The following P3H2 variants were observed in gnomAD, a reference collection of about 807,000 sequenced individuals.
The protein encoded by P3H2 is prolyl 3-hydroxylase 2.
P3H2 carries 80 observed loss-of-function variants against 87.0 expected under a neutral mutation model. That is an observed-to-expected ratio of 0.92 (90% CI 0.77 to 1.11). The LOEUF (loss-of-function observed/expected upper bound fraction) is 1.11, where lower values mean the gene tolerates loss of function less well. Ranked by LOEUF, P3H2 falls within the 50% of genes least tolerant of loss-of-function variation. The pLI is 0.00. For synonymous variants in P3H2, 367 were observed against 359.3 expected (o/e 1.02, Z -0.24); for missense variants, 1,001 against 923.9 (o/e 1.08, Z -1.08).
intron 1 of P3H2, among the ~76,000 whole-genome samples, chr3:190,002,406 CTTT>C (rs567434383): frequency 7.1e-6 from 1 of 141,598 alleles, no homozygotes; most frequent in Non-Finnish European, 1.5e-5. Context: ...TTTTTCTTTT[CTTT>C]TTTTTTTTTT....
At chr3:190,027,964 T>C (rs62279579) in intron 1 of P3H2, among the ~76,000 whole-genome samples, 17,565 of 133,194 alleles carry the variant, frequency 0.13, 1,523 homozygotes, top group East Asian at 0.38. Context: ...CAAGACTCCA[T>C]CGCAAAAAAA....
chr3:189,995,137 A>G (rs576401043), intron 2 of P3H2, among the ~76,000 whole-genome samples, 153 bp downstream of exon 2: 1 of 152,254 alleles, frequency 6.6e-6, no homozygotes, highest in African/African-American at 2.4e-5. Flanking sequence ...AGACCTGATC[A>G]TTATATTCTG....
intron 1 of P3H2, among the ~76,000 whole-genome samples, chr3:190,096,348 C>A (rs1727585649): frequency 6.6e-6 from 1 of 152,164 alleles, no homozygotes; most frequent in Non-Finnish European, 1.5e-5. Context: ...TGAGTGAATT[C>A]TCACAAGATC....
chr3:189,969,737 A>G (rs1242900523), intron 13 of P3H2: 1 of 1,565,120 alleles, frequency 6.4e-7, no homozygotes, highest in South Asian at 1.1e-5. Context: ...TAAGACATCA[A>G]ATGGCTTGCC....
chr3:189,973,026 T>TG lies in P3H2; in HGVS notation c.1549-3dup. ...TGGGACTCGACCTTCATAACCAGAC[T>TG]GAAAAAAAAAAACAAAACATGAGAA... On this transcript the variant is annotated splice_polypyrimidine_tract_variant and splice_region_variant and intron_variant, in intron 10 of 14. Coordinates refer to ENST00000319332, the MANE Select transcript of P3H2 (RefSeq NM_018192.4). The TG allele has an allele frequency of 1.3e-6, 2 of 1,525,708 alleles. No individual in the cohort carries two copies. Among genetic ancestry groups the TG allele is most frequent in the East Asian group, 2.5e-5 (1 of 40,786 alleles). 94.5% of individuals were successfully genotyped at this position (1,525,708 alleles called of 1,614,324 possible).
chr3:189,987,007 C>G (rs1723722159), intron 5 of P3H2, 130 bp from the exon 6 acceptor site: 1 of 686,500 alleles, frequency 1.5e-6, no homozygotes. Context: ...AACTGCAAGA[C>G]TTGGCCCCAT....
chr3:190,114,415 T>C (rs60668658), intron 1 of P3H2, among the ~76,000 whole-genome samples: 21,587 of 151,550 alleles, frequency 0.14, 1,703 homozygotes, highest in Middle Eastern at 0.21. Context: ...CTCGATCTCC[T>C]GACCTCGTGA....
At chr3:190,030,041 C>T (rs544356390) in intron 1 of P3H2, among the ~76,000 whole-genome samples, 3 of 151,668 alleles carry the variant, frequency 2.0e-5, no homozygotes, top group African/African-American at 7.2e-5. Context: ...AGATAATGTG[C>T]TGAACTATCA....
At chr3:189,978,819 A>G (rs967896421) in intron 8 of P3H2, among the ~76,000 whole-genome samples, 2 of 152,198 alleles carry the variant, frequency 1.3e-5, no homozygotes, top group Non-Finnish European at 2.9e-5. Flanking sequence ...ACATTAAAAT[A>G]AAAATAAAAA....
intron 1 of P3H2, among the ~76,000 whole-genome samples, chr3:190,040,568 T>C (rs1725575685): frequency 6.6e-6 from 1 of 152,220 alleles, no homozygotes; most frequent in Non-Finnish European, 1.5e-5. Flanking sequence ...AATGCTTTTA[T>C]GTTTGCTATC....
intron 3 of P3H2, among the ~76,000 whole-genome samples, chr3:189,993,670 A>G (rs1432297912): frequency 6.6e-6 from 1 of 152,180 alleles, no homozygotes; most frequent in East Asian, 1.9e-4. Flanking sequence ...AACACTCATC[A>G]CTAAAGGACT....
chr3:189,997,125 G>A (rs765911561), intron 1 of P3H2, among the ~76,000 whole-genome samples: 3 of 152,138 alleles, frequency 2.0e-5, no homozygotes, highest in Non-Finnish European at 2.9e-5. Context: ...GGGTTCAAGC[G>A]ATTCTCCTGC....
chr3:190,113,504 G>C (rs1430657726), intron 1 of P3H2, among the ~76,000 whole-genome samples: 1 of 150,262 alleles, frequency 6.7e-6, no homozygotes, highest in African/African-American at 2.5e-5. Context: ...TAAAATCTGT[G>C]ACTCTAAGAA....
rs573973946 is a variant in P3H2, at chr3:189,999,249, C to T, written c.481-3807G>A. The stretch of plus-strand genomic sequence containing the variant: ...GACGTTTTGCTTATTTGGTGCTTTC[C>T]TCCTTTATAGTCCAGAATTGAAGAT... On this transcript the variant is annotated intron_variant, in intron 1 of 14. Transcript: ENST00000319332. 6.8e-4 allele frequency among the ~76,000 whole-genome samples: 104 copies of T among 152,272 alleles called. 1 individual carries two copies. The highest frequency in any genetic ancestry group is 6.6e-3 in the South Asian group (32 of 4,826).
intron 3 of P3H2, among the ~76,000 whole-genome samples, chr3:189,991,108 A>G (rs1719603): frequency 0.76 from 114,916 of 152,158 alleles, 44,034 homozygotes; most frequent in East Asian, 0.92. Context: ...ATTCCCAAAT[A>G]CAAGATCAAG....
chr3:189,977,026 T>A (rs1723369811), intron 8 of P3H2, among the ~76,000 whole-genome samples: 1 of 152,200 alleles, frequency 6.6e-6, no homozygotes, highest in Non-Finnish European at 1.5e-5. Context: ...AGTAGTAACA[T>A]AATATGCAGC....
intron 1 of P3H2, among the ~76,000 whole-genome samples, chr3:190,010,753 A>T (rs1463162555): frequency 6.6e-6 from 1 of 152,212 alleles, no homozygotes; most frequent in Non-Finnish European, 1.5e-5. Flanking sequence ...ATATGCTGAA[A>T]ATAACAAGTT....
Position 190,027,643 on chromosome 3 carries a change from C to T in P3H2, c.481-32201G>A, listed in dbSNP as rs1412683592. 9.4e-5 allele frequency among the ~76,000 whole-genome samples: 13 copies of T among 138,416 alleles called. 1 individual carries two copies. The highest frequency in any genetic ancestry group is 3.5e-4 in the African/African-American group (13 of 37,352). 90.8% of individuals were successfully genotyped at this position (138,416 alleles called of 152,430 possible). A position where few individuals can be genotyped will look rare whatever the true frequency, so the allele number is the denominator to read the frequency against. ...TTTTACCTTTTTTTTTTTTTTTAAG[C>T]AATGGCAAAAACTGCAATTACTTTT... On this transcript the variant is annotated intron_variant, in intron 1 of 14. Coordinates refer to ENST00000319332, the MANE Select transcript of P3H2 (RefSeq NM_018192.4).
At position 190,046,220 on chromosome 3, in the gene P3H2, T is replaced by C. The variant is rs6782156; in HGVS notation, c.481-50778A>G. ...CCAGCCTCCACAATCGTGTATGCCG[T>C]TTCCTTGCAGTACATCTCTTGTGAT... On this transcript the variant is annotated intron_variant, in intron 1 of 14. Coordinates refer to ENST00000319332, the MANE Select transcript of P3H2 (RefSeq NM_018192.4). Among the ~76,000 whole-genome samples, 839 of 152,272 alleles carry C rather than the reference T, an allele frequency of 5.5e-3. 10 individuals carry two copies. The highest frequency in any genetic ancestry group is 0.019 in the African/African-American group (806 of 41,534).
Sources: gnomAD v4.1 joint callset for allele counts (sites outside exome capture counted in the v4.1 genomes callset) on GRCh38, gnomAD v4.1.1 for gene constraint, MANE v1.5 for transcripts, NCBI Gene and HGNC (gene_info 2026-07-23, HGNC 2026-07-21) for gene names.